ANO3: variants seen among roughly 807,000 people sequenced by gnomAD.
ANO3 encodes the protein anoctamin-3.
A neutral mutation model predicts 144.8 loss-of-function variants in ANO3; 99 were observed. That is an observed-to-expected ratio of 0.68 (90% CI 0.58 to 0.81). ANO3 has a LOEUF of 0.81. Among genes scored for constraint, ANO3 ranks in the 30% least tolerant of loss-of-function variants. The pLI, the probability that ANO3 is intolerant of heterozygous loss-of-function variation, is 0.00. For missense variants in ANO3, 905 were observed against 1,202.2 expected (o/e 0.75, Z 3.66); for synonymous variants, 414 against 392.6 (o/e 1.05, Z -0.64).
chr11:26,332,162 G>C lies in ANO3; in HGVS notation c.-114G>C, dbSNP rs1855064586. ...GAAGTGCCGGCTACAGCAGGTGTCG[G>C]ATTGCAGTGCGCTCGCTGAGGCTCC... On this transcript the variant is annotated 5_prime_UTR_variant, in exon 1 of 27. Transcript: ENST00000256737. 3 of 1,592,576 alleles carry C rather than the reference G, an allele frequency of 1.9e-6. No homozygotes were observed. The highest frequency in any genetic ancestry group is 2.3e-5 in the South Asian group (2 of 88,098).
chr11:26,463,042 A>G lies in ANO3; in HGVS notation c.326A>G (p.Asp109Gly), dbSNP rs777518953. Reference sequence around the variant, plus strand: ...TTCTCTTTTATAGCCCTAGGAAAAGATAAGGATTACACGGATGAATCAGAA... The same window carrying G: ...TTCTCTTTTATAGCCCTAGGAAAAGGTAAGGATTACACGGATGAATCAGAA... ...LSDFCLALGK[D>G]KDYTDESEHA... Residue 109 changes from aspartate (D) to glycine (G), a missense_variant, in exon 4 of 27, where the codon GAT becomes GGT. Coordinates refer to ENST00000256737, the MANE Select transcript of ANO3 (RefSeq NM_031418.4). 1 of 1,554,240 alleles carries G rather than the reference A, an allele frequency of 6.4e-7. No individual in the cohort carries two copies. The highest frequency in any genetic ancestry group is 8.7e-7 in the Non-Finnish European group (1 of 1,148,356).
intron 1 of ANO3, among the ~76,000 whole-genome samples, chr11:26,421,990 T>G (rs1857766003): frequency 6.6e-6 from 1 of 152,012 alleles, no homozygotes; most frequent in African/African-American, 2.4e-5. Context: ...AAAAATTAAC[T>G]AATGGGTACT....
intron 4 of ANO3, among the ~76,000 whole-genome samples, chr11:26,506,610 C>T (rs1315720145): frequency 6.6e-6 from 1 of 152,088 alleles, no homozygotes; most frequent in Non-Finnish European, 1.5e-5. Flanking sequence ...CAAGTTAATC[C>T]TGGAAATCTC....
intron 4 of ANO3, among the ~76,000 whole-genome samples, chr11:26,481,891 C>CT (rs1041809334): frequency 1.3e-4 from 19 of 151,690 alleles, no homozygotes; most frequent in Non-Finnish European, 1.2e-4. Context: ...TTTTTCCTTT[C>CT]TTTTTTTTAC....
chr11:26,614,517 T>C (rs1022066709), intron 17 of ANO3, among the ~76,000 whole-genome samples: 14 of 152,156 alleles, frequency 9.2e-5, no homozygotes, highest in Admixed American at 3.3e-4. Flanking sequence ...AGGTTCAAAA[T>C]AGTATAGAGC....
At chr11:26,586,939 A>T (rs1279153094) in intron 14 of ANO3, among the ~76,000 whole-genome samples, 1 of 152,160 alleles carries the variant, frequency 6.6e-6, no homozygotes, top group Non-Finnish European at 1.5e-5. Flanking sequence ...CTTTATTCAA[A>T]GTCATAGATT....
chr11:26,294,300 T>C (rs1655085811), intron 1 of ANO3, among the ~76,000 whole-genome samples: 3 of 152,182 alleles, frequency 2.0e-5, no homozygotes. Context: ...CCTCTGTGTA[T>C]TTTAGTGTTT....
chr11:26,542,741 G>T (rs950876509), intron 11 of ANO3, among the ~76,000 whole-genome samples: 1 of 151,926 alleles, frequency 6.6e-6, no homozygotes, highest in Non-Finnish European at 1.5e-5. Context: ...TTGTATTCAC[G>T]ATTTATATCA....
At chr11:26,263,638 G>T (rs969663085) in intron 1 of ANO3, among the ~76,000 whole-genome samples, 1 of 152,156 alleles carries the variant, frequency 6.6e-6, no homozygotes, top group Non-Finnish European at 1.5e-5. Context: ...CCTGACTAAG[G>T]ACTACCTAAG....
chr11:26,537,600 A>G (rs1475257787), intron 10 of ANO3, 139 bp downstream of exon 10: 12 of 749,226 alleles, frequency 1.6e-5, no homozygotes, highest in Non-Finnish European at 1.6e-5. Context: ...CTGTCTCCCC[A>G]TTGTAATTTT....
rs556766356 is a variant in ANO3, at chr11:26,234,411, G to C, written c.154+45081G>C. On this transcript the variant is annotated intron_variant, in intron 1 of 27. Transcript: ENST00000672621. ...ACATTTAGGCACAAATTGCGACTTAGACAATTACCTTGATATGGTGACAGC... is the reference window on the plus strand; with the variant it reads ...ACATTTAGGCACAAATTGCGACTTACACAATTACCTTGATATGGTGACAGC... 8.0e-4 allele frequency among the ~76,000 whole-genome samples: 122 copies of C among 152,230 alleles called. 1 individual carries two copies. The highest frequency in any genetic ancestry group is 2.8e-4 in the Non-Finnish European group (19 of 68,008).
chr11:26,412,909 C>T (rs1263840257), intron 1 of ANO3, among the ~76,000 whole-genome samples: 1 of 149,872 alleles, frequency 6.7e-6, no homozygotes, highest in East Asian at 2.0e-4. Context: ...GAATTGAATA[C>T]CTGGTTTCAT....
intron 17 of ANO3, among the ~76,000 whole-genome samples, chr11:26,615,414 A>ATATATATATTTTTTTTT (rs1352935016): frequency 7.7e-6 from 1 of 130,698 alleles, no homozygotes; most frequent in African/African-American, 3.0e-5. Flanking sequence ...ATATATATAT[A>ATATATATATTTTTTTTT]TTTTTTTTTT....
chr11:26,222,524 T>G (rs146933902), intron 1 of ANO3, among the ~76,000 whole-genome samples: 1 of 152,128 alleles, frequency 6.6e-6, no homozygotes, highest in Non-Finnish European at 1.5e-5. Flanking sequence ...TGTGTGGAGG[T>G]CCCAACCCCA....
intron 21 of ANO3, among the ~76,000 whole-genome samples, chr11:26,640,087 T>C (rs1214858518): frequency 6.6e-6 from 1 of 152,196 alleles, no homozygotes; most frequent in Non-Finnish European, 1.5e-5. Context: ...GTAGAAGTGA[T>C]ATTAACCCTG....
intron 1 of ANO3, among the ~76,000 whole-genome samples, chr11:26,277,872 C>G (rs1428550858): frequency 6.6e-6 from 1 of 151,712 alleles, no homozygotes; most frequent in African/African-American, 2.4e-5. Context: ...AAAAAAATAC[C>G]CAGTAAAGAT....
chr11:26,252,253 C>A (rs905496221), intron 1 of ANO3, among the ~76,000 whole-genome samples: 5 of 152,140 alleles, frequency 3.3e-5, no homozygotes, highest in African/African-American at 1.2e-4. Context: ...GTATAAAATA[C>A]ACAAACGCAT....
At chr11:26,483,894 A>G (rs1479948813) in intron 4 of ANO3, among the ~76,000 whole-genome samples, 1 of 152,178 alleles carries the variant, frequency 6.6e-6, no homozygotes, top group African/African-American at 2.4e-5. Context: ...TACTGATATC[A>G]TCAATGAAGT....
At chr11:26,343,403 T>C (rs1855414442) in intron 1 of ANO3, among the ~76,000 whole-genome samples, 1 of 152,230 alleles carries the variant, frequency 6.6e-6, no homozygotes, top group South Asian at 2.1e-4. Context: ...CTTTTGAATG[T>C]ACGTGCAGAA....
Sources: allele counts gnomAD v4.1 joint callset (sites outside exome capture counted in the v4.1 genomes callset), GRCh38; gene constraint gnomAD v4.1.1; transcripts MANE v1.5; gene names NCBI Gene and HGNC (gene_info 2026-07-23, HGNC 2026-07-21).